Variants in SCAF8 observed in about 807,000 individuals in gnomAD.
SCAF8 encodes SR-related CTD associated factor 8.
In SCAF8, 23 loss-of-function variants were observed where a neutral mutation model predicts 140.5. The observed-to-expected ratio is 0.16, with a 90% CI of 0.12 to 0.23. The LOEUF (loss-of-function observed/expected upper bound fraction) is 0.23. SCAF8 is among the 10% of genes least tolerant of loss of function. The pLI is 1.00. For missense variants in SCAF8, 1,397 were observed against 1,555.7 expected (o/e 0.90, Z 1.72); for synonymous variants, 575 against 528.9 (o/e 1.09, Z -1.20).
chr6:154,793,847 A>G (rs979526689), intron 5 of SCAF8, among the ~76,000 whole-genome samples: 11 of 147,698 alleles, frequency 7.4e-5, no homozygotes, highest in Admixed American at 1.3e-4. Context: ...AAATTTTTTT[A>G]AATCATAGTT....
chr6:154,733,811 C>T lies in SCAF8; in HGVS notation c.-90C>T. On this transcript the variant is annotated 5_prime_UTR_variant, in exon 1 of 20. Transcript: ENST00000367178. ...TCCCGCCAGCGCCCCCTCCTCGCGG[C>T]CACGCAGCAGCCCGCGTCTCGCTCT... 1 of 1,455,980 alleles carries T rather than the reference C, an allele frequency of 6.9e-7. No individual in the cohort carries two copies. Among genetic ancestry groups the T allele is most frequent in the South Asian group, 1.4e-5 (1 of 70,048 alleles). 90.2% of individuals were successfully genotyped at this position (1,455,980 alleles called of 1,614,324 possible). A position where few individuals can be genotyped will look rare whatever the true frequency, so the allele number is the denominator to read the frequency against.
Position 154,828,496 on chromosome 6 carries a change from A to G in SCAF8, c.2140+1256A>G, listed in dbSNP as rs79363297. On this transcript the variant is annotated intron_variant, in intron 18 of 19. Coordinates refer to ENST00000367178, the MANE Select transcript of SCAF8 (RefSeq NM_014892.5). ...TTCTTTAGTATTTATGGATTAATGG[A>G]TTTTTACTTCTAGTCAGTTGCATTT... 4.3e-3 allele frequency among the ~76,000 whole-genome samples: 631 copies of G among 147,056 alleles called. 5 individuals carry two copies. The highest frequency in any genetic ancestry group is 0.014 in the African/African-American group (572 of 39,656).
At chr6:154,794,780 GGTGTGTGTGTGTGTGTGTGTGT>G (rs1183671310) in intron 5 of SCAF8, among the ~76,000 whole-genome samples, 4 of 12,536 alleles carry the variant, frequency 3.2e-4, no homozygotes, top group South Asian at 4.4e-3. Context: ...GGGTGTGGGG[GGTGTGTGTGTGTGTGTGTGTGT>G]GTGTGTGTGT....
chr6:154,810,422 TTTTG>T (rs1172984566), intron 12 of SCAF8, among the ~76,000 whole-genome samples: 5 of 152,142 alleles, frequency 3.3e-5, no homozygotes, highest in African/African-American at 4.8e-5. Context: ...AGGGTTGATT[TTTTG>T]TTTGTTTTTC....
Position 154,827,224 on chromosome 6 carries a change from A to T in SCAF8, c.2124A>T (p.Pro708=). ...PPPVVPPPTI[P]PVVPTSLVQP... ...CTGTTGTGCCACCCCCTACGATTCC[A>T]CCAGTAGTACCAACATGTAAGTTTT... is the stretch of plus-strand genomic sequence containing the variant. Residue 708 remains proline (P), a synonymous_variant, in exon 18 of 20, where the codon CCA becomes CCT. Transcript: ENST00000367178. The T allele has an allele frequency of 6.2e-7, 1 of 1,601,748 alleles. No homozygotes were observed.
intron 1 of SCAF8, among the ~76,000 whole-genome samples, chr6:154,734,248 A>G (rs1231201879): frequency 6.6e-6 from 1 of 152,160 alleles, no homozygotes; most frequent in Admixed American, 6.5e-5. Context: ...CCTCGAGGTC[A>G]GTTCCGCCGA....
chr6:154,761,314 C>T (rs757599054), intron 1 of SCAF8, among the ~76,000 whole-genome samples: 1 of 152,064 alleles, frequency 6.6e-6, no homozygotes, highest in Non-Finnish European at 1.5e-5. Flanking sequence ...GGTGAAACCC[C>T]ATCTCTACTA....
chr6:154,790,326 A>C (rs1430007812), intron 4 of SCAF8, among the ~76,000 whole-genome samples: 1 of 152,102 alleles, frequency 6.6e-6, no homozygotes, highest in Non-Finnish European at 1.5e-5. Flanking sequence ...AGCAGTCTCT[A>C]ATTTTCTTGT....
chr6:154,823,798 T>C (rs1430607504), intron 16 of SCAF8, among the ~76,000 whole-genome samples: 1 of 152,188 alleles, frequency 6.6e-6, no homozygotes, highest in Non-Finnish European at 1.5e-5. Context: ...GATGAATACT[T>C]GCGACTTTAC....
At position 154,770,394 on chromosome 6, in the gene SCAF8, T is replaced by A. The variant is rs1306544673; in HGVS notation, c.31-3595T>A. On this transcript the variant is annotated intron_variant, in intron 1 of 19. Coordinates refer to ENST00000367178, the MANE Select transcript of SCAF8 (RefSeq NM_014892.5). Reference sequence around the variant, plus strand: ...TACACACACACACACACACACTCTCTCTCTCTCTCTCTCTCTCTCTCTCTC... The same window carrying A: ...TACACACACACACACACACACTCTCACTCTCTCTCTCTCTCTCTCTCTCTC... Among the ~76,000 whole-genome samples, 345 of 37,744 alleles carry A rather than the reference T, an allele frequency of 9.1e-3. 2 individuals are homozygous for A. Among genetic ancestry groups the A allele is most frequent in the African/African-American group, 0.074 (309 of 4,174 alleles). The allele number at this position is 37,744 out of a possible 152,430, so 24.8% of individuals were successfully genotyped here. A position where few individuals can be genotyped will look rare whatever the true frequency, so the allele number is the denominator to read the frequency against.
Position 154,815,795 on chromosome 6 carries a change from T to C in SCAF8, c.1500T>C (p.Phe500=), listed in dbSNP as rs146844588. The C allele has an allele frequency of 2.5e-6, 4 of 1,610,888 alleles. No individual in the cohort carries two copies. Among genetic ancestry groups the C allele is most frequent in the Non-Finnish European group, 3.4e-6 (4 of 1,177,486 alleles). ...QQDLTNLFEE[F]GQIESINMIP... ...ACTTAACCAACCTGTTTGAAGAGTTTGGACAGATTGAATCCATTAATGCAA... is the reference window on the plus strand; with the variant it reads ...ACTTAACCAACCTGTTTGAAGAGTTCGGACAGATTGAATCCATTAATGCAA... The change falls in exon 13 of 20, where the codon TTT becomes TTC. Residue 500 remains phenylalanine (F), a synonymous_variant. Transcript: ENST00000367178.
intron 2 of SCAF8, among the ~76,000 whole-genome samples, chr6:154,777,009 C>T (rs1776934912): frequency 1.3e-5 from 2 of 152,062 alleles, no homozygotes; most frequent in South Asian, 2.1e-4. Context: ...GGCGAAACCC[C>T]GTCTCTACTA....
chr6:154,755,774 A>G (rs149345705), intron 1 of SCAF8, among the ~76,000 whole-genome samples: 2 of 152,294 alleles, frequency 1.3e-5, no homozygotes, highest in South Asian at 2.1e-4. Context: ...GCTGTGCACT[A>G]TATATTCCCA....
intron 6 of SCAF8, among the ~76,000 whole-genome samples, chr6:154,796,353 T>TTCTCTCTCTC (rs532893908): frequency 8.0e-4 from 60 of 75,244 alleles, no homozygotes; most frequent in Middle Eastern, 6.3e-3. Flanking sequence ...TGCAATCCTG[T>TTCTCTCTCTC]TCTCTCTCTC....
chr6:154,801,641 C>T (rs1012742790), intron 6 of SCAF8, among the ~76,000 whole-genome samples: 2 of 151,416 alleles, frequency 1.3e-5, no homozygotes, highest in African/African-American at 2.4e-5. Flanking sequence ...TTTCAGTACT[C>T]GTCCTTTTAC....
intron 6 of SCAF8, among the ~76,000 whole-genome samples, 164 bp from the exon 7 acceptor site, chr6:154,801,807 T>C (rs1228621895): frequency 2.0e-5 from 3 of 151,702 alleles, no homozygotes; most frequent in Non-Finnish European, 4.4e-5. Flanking sequence ...GACTGTGTTA[T>C]ATAAGGTACA....
intron 12 of SCAF8, among the ~76,000 whole-genome samples, chr6:154,813,342 C>G (rs947738677): frequency 6.6e-6 from 1 of 152,074 alleles, no homozygotes. Context: ...CTGGGAAGAG[C>G]AAAACCATGT....
intron 13 of SCAF8, among the ~76,000 whole-genome samples, chr6:154,817,630 T>G (rs1372402827): frequency 6.6e-6 from 1 of 152,220 alleles, no homozygotes; most frequent in East Asian, 1.9e-4. Flanking sequence ...TATATTTCTC[T>G]TTTAATAAGT....
intron 1 of SCAF8, among the ~76,000 whole-genome samples, chr6:154,765,662 G>A (rs1465215661): frequency 1.3e-5 from 2 of 149,520 alleles, no homozygotes; most frequent in Admixed American, 6.7e-5. Context: ...TAAGCACCAA[G>A]CTAACTGAAT....
Sources: gnomAD v4.1 joint callset for allele counts (sites outside exome capture counted in the v4.1 genomes callset) on GRCh38, gnomAD v4.1.1 for gene constraint, MANE v1.5 for transcripts, NCBI Gene and HGNC (gene_info 2026-07-23, HGNC 2026-07-21) for gene names.